COL6A5: variants seen among roughly 807,000 people sequenced by gnomAD.
The protein encoded by COL6A5 is collagen type VI alpha 5 chain, also known as collagen alpha-5(VI) chain.
A neutral mutation model predicts 65.6 loss-of-function variants in COL6A5; 48 were observed. The observed-to-expected ratio is 0.73, with a 90% CI of 0.58 to 0.93. The LOEUF (loss-of-function observed/expected upper bound fraction) is 0.93, where lower values mean the gene tolerates loss of function less well. Ranked by LOEUF, COL6A5 falls within the 40% of genes least tolerant of loss-of-function variation. The pLI is 0.00. For missense variants in COL6A5, 914 were observed against 928.3 expected, an observed-to-expected ratio of 0.98 and a Z score of 0.20; for synonymous variants, 291 against 322.8, an observed-to-expected ratio of 0.90 and a Z score of 1.05.
intron 1 of COL6A5, among the ~76,000 whole-genome samples, chr3:130,362,316 ATATATATATATTTTTTTTTTTTT>A (rs1935160072): frequency 6.1e-5 from 1 of 16,382 alleles, no homozygotes; most frequent in African/African-American, 3.3e-4. Context: ...ATATATATAT[ATATATATATATTTTTTTTTTTTT>A]TTTTTTTTGC....
chr3:130,464,132 T>G (rs1399493800), intron 5 of COL6A5, among the ~76,000 whole-genome samples: 7 of 152,076 alleles, frequency 4.6e-5, no homozygotes, highest in Admixed American at 4.6e-4. Context: ...AAATTCTTTT[T>G]CTTTTTCATT....
rs568169737 is a variant in COL6A5, at chr3:130,417,779, C to A, written c.4887+960C>A. On this transcript the variant is annotated intron_variant and NMD_transcript_variant, in intron 24 of 41. Coordinates refer to the COL6A5 transcript ENST00000312481. ...CACAGGTGGCCTTGCTGAGAAGAACCCCCTGATGAGTTTAATGCTCTGCTG... is the reference window on the plus strand; with the variant it reads ...CACAGGTGGCCTTGCTGAGAAGAACACCCTGATGAGTTTAATGCTCTGCTG... 2.0e-5 allele frequency among the ~76,000 whole-genome samples: 3 copies of A among 152,176 alleles called. No homozygotes were observed. In the South Asian group the frequency reaches 6.2e-4, roughly 32 times the overall value.
At chr3:130,380,142 A>G in intron 4 of COL6A5, 92 bp downstream of exon 4, 2 of 974,334 alleles carry the variant, frequency 2.1e-6, no homozygotes, top group Non-Finnish European at 2.9e-6. Flanking sequence ...GTAATTGGAT[A>G]AAGGAACTTT....
At chr3:130,385,151 T>A in exon 5 of COL6A5, 1 of 1,551,140 alleles carries the variant, frequency 6.4e-7, no homozygotes. Context: ...CCTCATTGTG[T>A]TGACTGATGG....
At chr3:130,455,886 G>T (rs144685566) in intron 5 of COL6A5, among the ~76,000 whole-genome samples, 10 of 152,234 alleles carry the variant, frequency 6.6e-5, no homozygotes, top group African/African-American at 2.4e-4. Context: ...AAATGTCCCT[G>T]ATATTCTTAC....
At chr3:130,398,030 G>T in exon 10 of COL6A5, 1 of 1,550,222 alleles carries the variant, frequency 6.5e-7, no homozygotes, top group African/African-American at 1.4e-5. Context: ...ATTTCTCCAG[G>T]TGCTGCTTAT....
exon 11 of COL6A5, chr3:130,401,040 C>A (rs1487345680): frequency 6.5e-7 from 1 of 1,543,918 alleles, no homozygotes. Flanking sequence ...GGACTTGATG[C>A]TCTGCTGGTA....
intron 1 of COL6A5, among the ~76,000 whole-genome samples, chr3:130,353,728 AAAAAG>A (rs1934805986): frequency 6.6e-6 from 1 of 151,740 alleles, no homozygotes; most frequent in African/African-American, 2.4e-5. Context: ...TTTCTGAAAA[AAAAAG>A]AACAAAAGGA....
intron 21 of COL6A5, 39 bp downstream of exon 21, chr3:130,413,619 G>A: frequency 6.5e-7 from 1 of 1,538,136 alleles, no homozygotes; most frequent in Non-Finnish European, 8.8e-7. Flanking sequence ...TGGTTGATGG[G>A]ACCAAGGAGG....
At chr3:130,423,785 C>A in intron 28 of COL6A5, 53 bp from the exon 29 acceptor site, 1 of 1,350,866 alleles carries the variant, frequency 7.4e-7, no homozygotes, top group South Asian at 1.3e-5. Flanking sequence ...CTGAAGTAGT[C>A]CCCATAGATA....
intron 7 of COL6A5, among the ~76,000 whole-genome samples, chr3:130,472,383 G>A (rs1390032416): frequency 6.6e-6 from 1 of 151,970 alleles, no homozygotes; most frequent in African/African-American, 2.4e-5. Flanking sequence ...GAGAGGACAA[G>A]GCCACCATGG....
chr3:130,467,625 GA>G (rs1709848202), intron 5 of COL6A5, among the ~76,000 whole-genome samples: 1 of 151,984 alleles, frequency 6.6e-6, no homozygotes, highest in Non-Finnish European at 1.5e-5. Flanking sequence ...ATTTATACTG[GA>G]AGGCAGGGCT....
chr3:130,392,801 A>G (rs1285743270), intron 7 of COL6A5, among the ~76,000 whole-genome samples: 3 of 152,194 alleles, frequency 2.0e-5, no homozygotes, highest in African/African-American at 4.8e-5. Flanking sequence ...CCTGACCACC[A>G]TAGCTTTACC....
exon 1 of COL6A5, chr3:130,431,723 A>T: frequency 1.3e-6 from 2 of 1,551,562 alleles, no homozygotes; most frequent in Middle Eastern, 1.7e-4. Flanking sequence ...AAATATCAAG[A>T]CACCACAGAG....
chr3:130,481,281 G>T (rs1246405815), intron 7 of COL6A5, among the ~76,000 whole-genome samples: 2 of 150,190 alleles, frequency 1.3e-5, no homozygotes, highest in Admixed American at 1.3e-4. Context: ...CAACTTATGA[G>T]TGGGAACATG....
At chr3:130,416,329 A>G (rs1023245757) in intron 23 of COL6A5, among the ~76,000 whole-genome samples, 1 of 152,150 alleles carries the variant, frequency 6.6e-6, no homozygotes, top group Admixed American at 6.6e-5. Context: ...TGTGTGAAAG[A>G]CACGTCTGCC....
chr3:130,387,224 G>A (rs1328909109), intron 5 of COL6A5, among the ~76,000 whole-genome samples: 1 of 152,006 alleles, frequency 6.6e-6, no homozygotes, highest in East Asian at 1.9e-4. Context: ...ATACCTTTTG[G>A]TTAAAACTTA....
intron 1 of COL6A5, among the ~76,000 whole-genome samples, chr3:130,373,255 G>A (rs967011322): frequency 3.3e-5 from 5 of 152,100 alleles, no homozygotes; most frequent in South Asian, 4.1e-4. Context: ...CAATTGCTTC[G>A]TCTGGGTTAG....
At position 130,402,587 on chromosome 3, in the gene COL6A5, C is replaced by T. The variant is rs368379348; in HGVS notation, c.4227+733C>T. Among the ~76,000 whole-genome samples the T allele has an allele frequency of 3.4e-4, 52 of 152,120 alleles. 1 individual carries two copies. The highest frequency in any genetic ancestry group is 8.0e-4 in the African/African-American group (33 of 41,506). ...ATAGTATCTAGGGAGGAATACTTAA[C>T]GGTGAAGTATTTTTAAAAGGCAAGA... On this transcript the variant is annotated intron_variant and NMD_transcript_variant, in intron 12 of 41. Transcript: ENST00000312481.
Sources: gnomAD v4.1 joint callset for allele counts (sites outside exome capture counted in the v4.1 genomes callset) on GRCh38, gnomAD v4.1.1 for gene constraint, MANE v1.5 for transcripts, NCBI Gene and HGNC (gene_info 2026-07-23, HGNC 2026-07-21) for gene names.